The following CTDSPL variants were observed in gnomAD, a reference collection of about 807,000 sequenced individuals.
CTDSPL encodes the protein CTD small phosphatase like.
Under a neutral mutation model 30.5 loss-of-function variants are expected in CTDSPL, and 8 were observed. The observed-to-expected ratio is 0.26, with a 90% CI of 0.15 to 0.47. CTDSPL has a LOEUF of 0.47. Ranked by LOEUF, CTDSPL falls within the 20% of genes least tolerant of loss-of-function variation. The pLI, the probability that CTDSPL is intolerant of heterozygous loss-of-function variation, is 0.99. For synonymous variants in CTDSPL, 110 were observed against 137.9 expected, an observed-to-expected ratio of 0.80 and a Z score of 1.42; for missense variants, 248 against 366.1, an observed-to-expected ratio of 0.68 and a Z score of 2.63.
chr3:37,944,696 G>A (rs1429405643), intron 1 of CTDSPL: 2 of 150,238 alleles, frequency 1.3e-5, no homozygotes, highest in African/African-American at 4.9e-5. Context: ...GTTCCTGCAG[G>A]CCCTAGAACT....
intron 1 of CTDSPL, among the ~76,000 whole-genome samples, chr3:37,926,514 T>C (rs1278230399): frequency 2.0e-5 from 3 of 152,218 alleles, no homozygotes; most frequent in South Asian, 2.1e-4. Flanking sequence ...AGGTGATTAT[T>C]CCTTTATTCA....
rs768689478 is a variant in CTDSPL, at chr3:37,980,762, C to T, written c.726C>T (p.Phe242=). 24 of 1,614,066 alleles carry T rather than the reference C, an allele frequency of 1.5e-5. No homozygotes were observed. Among genetic ancestry groups the T allele is most frequent in the Admixed American group, 8.3e-5 (5 of 60,006 alleles). The change falls in exon 8 of 8, where the codon TTC becomes TTT. Residue 242 remains phenylalanine, a synonymous_variant. Transcript: ENST00000273179. ...PENAVPVQSW[F]DDMTDTELLD... ...TCCAGGTGCCTGTGCAGTCCTGGTTCGATGACATGACGGACACGGAGCTGC... is the reference window on the plus strand; with the variant it reads ...TCCAGGTGCCTGTGCAGTCCTGGTTTGATGACATGACGGACACGGAGCTGC...
intron 1 of CTDSPL, among the ~76,000 whole-genome samples, chr3:37,918,825 C>T (rs76900455): frequency 0.02 from 3,020 of 152,144 alleles, 33 homozygotes; most frequent in Middle Eastern, 0.041. Flanking sequence ...TGATCTGGGC[C>T]CCCTGCTGAG....
intron 1 of CTDSPL, among the ~76,000 whole-genome samples, chr3:37,890,775 G>A (rs1698315609): frequency 6.6e-6 from 1 of 152,108 alleles, no homozygotes; most frequent in Non-Finnish European, 1.5e-5. Context: ...GCTATCTCCT[G>A]CCAGAGCCAT....
chr3:37,885,611 G>A (rs767213512), intron 1 of CTDSPL, among the ~76,000 whole-genome samples: 10 of 152,084 alleles, frequency 6.6e-5, no homozygotes, highest in African/African-American at 9.7e-5. Flanking sequence ...GTCTCTCTTC[G>A]AGGCTGAAGA....
chr3:37,902,045 A>T (rs1242200638), intron 1 of CTDSPL, among the ~76,000 whole-genome samples: 1 of 152,166 alleles, frequency 6.6e-6, no homozygotes, highest in East Asian at 1.9e-4. Context: ...GTAGAGAAGG[A>T]GGAAGGAGCA....
intron 5 of CTDSPL, among the ~76,000 whole-genome samples, chr3:37,969,212 T>C (rs1699334599): frequency 6.6e-6 from 1 of 152,234 alleles, no homozygotes; most frequent in Non-Finnish European, 1.5e-5. Context: ...GAGAAATTAA[T>C]CCTTTGTACC....
chr3:37,883,994 G>A (rs1698236847), intron 1 of CTDSPL, among the ~76,000 whole-genome samples: 2 of 152,078 alleles, frequency 1.3e-5, no homozygotes, highest in Admixed American at 6.6e-5. Context: ...GGGTCCTTAA[G>A]GGTTTAGGGA....
At chr3:37,892,921 G>A (rs1211838110) in intron 1 of CTDSPL, among the ~76,000 whole-genome samples, 1 of 152,212 alleles carries the variant, frequency 6.6e-6, no homozygotes, top group Admixed American at 6.5e-5. Flanking sequence ...GTGATCTTTA[G>A]GGAAAAGAGT....
intron 1 of CTDSPL, among the ~76,000 whole-genome samples, chr3:37,944,295 GTTTGC>G (rs1319730005): frequency 6.7e-6 from 1 of 150,136 alleles, no homozygotes; most frequent in Non-Finnish European, 1.5e-5. Context: ...ATCTTTTTTA[GTTTGC>G]TTTGCTTAGT....
chr3:37,951,049 T>C (rs6791072), intron 2 of CTDSPL, among the ~76,000 whole-genome samples: 32,623 of 152,124 alleles, frequency 0.21, 5,074 homozygotes, highest in African/African-American at 0.44. Flanking sequence ...GAGATTGATA[T>C]TCAGTTATGA....
At position 37,983,572 on chromosome 3, in the gene CTDSPL, C is replaced by T. The variant is rs1165135954; in HGVS notation, c.*2705C>T. 1 of 152,534 alleles carries T rather than the reference C, an allele frequency of 6.6e-6. No individual in the cohort carries two copies. Among genetic ancestry groups the T allele is most frequent in the Non-Finnish European group, 1.5e-5 (1 of 68,066 alleles). 9.4% of individuals were successfully genotyped at this position (152,534 alleles called of 1,614,324 possible). On this transcript the variant is annotated 3_prime_UTR_variant, in exon 8 of 8. Transcript: ENST00000273179. ...CCCTGACCTCCTGAGTTTCCATGCT[C>T]CTTTCTGTACCAGGTTTAAATGTAG...
intron 1 of CTDSPL, among the ~76,000 whole-genome samples, chr3:37,875,281 A>T (rs924892466): frequency 2.0e-5 from 3 of 152,242 alleles, no homozygotes; most frequent in Non-Finnish European, 2.9e-5. Context: ...TTATGTAATC[A>T]CCTAAGTAAT....
At position 37,951,503 on chromosome 3, in the gene CTDSPL, C is replaced by T. The variant is rs370393217; in HGVS notation, c.234+4292C>T. Among the ~76,000 whole-genome samples, 25 of 152,096 alleles carry T rather than the reference C, an allele frequency of 1.6e-4. No homozygotes were observed. In the South Asian group the frequency reaches 5.2e-3, roughly 32 times the overall value. ...CCAGCCTGGGCAACATAGGGAAACC[C>T]CCATCTCTACAAAAAATAAAAATAA... On this transcript the variant is annotated intron_variant, in intron 2 of 7. Transcript: ENST00000273179.
intron 1 of CTDSPL, among the ~76,000 whole-genome samples, chr3:37,910,699 C>G (rs542305578): frequency 6.6e-6 from 1 of 152,198 alleles, no homozygotes; most frequent in East Asian, 1.9e-4. Context: ...TTCTTTTTAT[C>G]TGCTTTGATT....
intron 1 of CTDSPL, among the ~76,000 whole-genome samples, chr3:37,892,042 A>G (rs1575284967): frequency 1.3e-5 from 2 of 152,312 alleles, no homozygotes; most frequent in South Asian, 4.1e-4. Context: ...GAACCTACAG[A>G]TCGGCCACAT....
At chr3:37,872,306 G>C (rs1254242422) in intron 1 of CTDSPL, among the ~76,000 whole-genome samples, 2 of 152,038 alleles carry the variant, frequency 1.3e-5, no homozygotes, top group African/African-American at 4.8e-5. Context: ...CTGTCATCCT[G>C]GTGTTGGGTT....
chr3:37,945,452 C>T (rs866617407), intron 1 of CTDSPL, among the ~76,000 whole-genome samples: 1 of 152,224 alleles, frequency 6.6e-6, no homozygotes, highest in Non-Finnish European at 1.5e-5. Flanking sequence ...AAGCAGTAAA[C>T]CTATCTCCTT....
At chr3:37,972,384 C>T (rs1039806423) in intron 6 of CTDSPL, among the ~76,000 whole-genome samples, 7 of 152,020 alleles carry the variant, frequency 4.6e-5, no homozygotes, top group South Asian at 4.2e-4. Context: ...CCCAGCTACT[C>T]GGGAGGCTGA....
Sources: allele counts gnomAD v4.1 joint callset (sites outside exome capture counted in the v4.1 genomes callset), GRCh38; gene constraint gnomAD v4.1.1; transcripts MANE v1.5; gene names NCBI Gene and HGNC (gene_info 2026-07-23, HGNC 2026-07-21).